MTCL2: variants seen among roughly 807,000 people sequenced by gnomAD.
The protein encoded by MTCL2 is microtubule cross-linking factor 2.
At chr20:36,785,672 A>G in the MTCL2 span, 10 of 985,406 alleles carry the variant, frequency 1.0e-5, no homozygotes, top group East Asian at 6.8e-4. Context: ...GCATTTATCT[A>G]TGCACCAGGT....
the MTCL2 span, among the ~76,000 whole-genome samples, chr20:36,791,040 T>G: frequency 1.1e-4 from 17 of 152,212 alleles, no homozygotes; most frequent in East Asian, 2.7e-3. Flanking sequence ...ATTTATATTT[T>G]TTTTTTTGTG....
the MTCL2 span, among the ~76,000 whole-genome samples, chr20:36,854,943 G>A: frequency 6.6e-6 from 1 of 152,160 alleles, no homozygotes; most frequent in Non-Finnish European, 1.5e-5. Flanking sequence ...GGGGGACACA[G>A]ACAGGGATAT....
chr20:36,792,937 G>T, the MTCL2 span, among the ~76,000 whole-genome samples: 2 of 151,746 alleles, frequency 1.3e-5, no homozygotes, highest in East Asian at 1.9e-4. Context: ...CGGAGTCTTA[G>T]TCTGTCACCC....
At chr20:36,792,570 G>A in the MTCL2 span, among the ~76,000 whole-genome samples, 110 of 151,476 alleles carry the variant, frequency 7.3e-4, no homozygotes, top group African/African-American at 2.5e-3. Context: ...GCTCCTGCAA[G>A]CCAAACAAGC....
the MTCL2 span, among the ~76,000 whole-genome samples, chr20:36,835,475 G>C: frequency 6.6e-6 from 1 of 152,364 alleles, no homozygotes; most frequent in East Asian, 1.9e-4. Flanking sequence ...GTAGGGGCAA[G>C]TCAGGGCATG....
At chr20:36,863,507 G>C in the MTCL2 span, 1 of 388,584 alleles carries the variant, frequency 2.6e-6, no homozygotes, top group Non-Finnish European at 3.8e-6. The surrounding 1 kb of genome is among the most constrained non-coding windows in gnomAD (Gnocchi z 6.2). Flanking sequence ...CCCGCCGCGC[G>C]GTCTCTCCGC....
the MTCL2 span, among the ~76,000 whole-genome samples, chr20:36,860,338 A>G: frequency 3.9e-5 from 6 of 152,056 alleles, no homozygotes; most frequent in Non-Finnish European, 5.9e-5. Context: ...CTTTACCCTC[A>G]TTATGATCTG....
chr20:36,808,728 G>C, the MTCL2 span: 4 of 1,595,746 alleles, frequency 2.5e-6, no homozygotes, highest in Admixed American at 1.7e-5. Context: ...AGCGCCCTCT[G>C]CTGGTCCTCC....
chr20:36,793,317 T>G, the MTCL2 span: 2 of 1,551,790 alleles, frequency 1.3e-6, no homozygotes, highest in Non-Finnish European at 1.7e-6. The surrounding 1 kb of genome is among the most constrained non-coding windows in gnomAD (Gnocchi z 6.8). Flanking sequence ...TGGGGGAGCA[T>G]GGTGAGTCTG....
chr20:36,846,618 A>C, the MTCL2 span, among the ~76,000 whole-genome samples: 9 of 152,214 alleles, frequency 5.9e-5, no homozygotes, highest in African/African-American at 1.7e-4. Flanking sequence ...AGTAGGTCCA[A>C]GTCCCCTTAC....
At chr20:36,861,237 C>T in the MTCL2 span, among the ~76,000 whole-genome samples, 2 of 152,180 alleles carry the variant, frequency 1.3e-5, no homozygotes, top group African/African-American at 4.8e-5. Flanking sequence ...TCCTCCTCAC[C>T]TTCCACTTGC....
At chr20:36,794,622 C>T in the MTCL2 span, 29 of 1,613,956 alleles carry the variant, frequency 1.8e-5, no homozygotes, top group African/African-American at 4.0e-5. This position sits in a 1 kb window ranked among gnomAD's most constrained non-coding sequence, Gnocchi z 5.4. Flanking sequence ...GAGGAGGAAA[C>T]GTCGTTATTA....
the MTCL2 span, among the ~76,000 whole-genome samples, chr20:36,851,273 T>C: frequency 1.3e-5 from 2 of 152,142 alleles, no homozygotes; most frequent in African/African-American, 4.8e-5. Flanking sequence ...GTATATTGTA[T>C]ATATATACCC....
At chr20:36,855,795 C>T in the MTCL2 span, among the ~76,000 whole-genome samples, 15 of 152,276 alleles carry the variant, frequency 9.9e-5, no homozygotes, top group South Asian at 2.1e-4. Flanking sequence ...AGGAGGAAGA[C>T]GGAGTCTTGG....
the MTCL2 span, chr20:36,793,549 T>C: frequency 6.4e-3 from 9,922 of 1,551,632 alleles, 589 homozygotes; most frequent in African/African-American, 0.12. This position sits in a 1 kb window ranked among gnomAD's most constrained non-coding sequence, Gnocchi z 6.8. Context: ...CAGACATGCC[T>C]AGTTTCCAGA....
the MTCL2 span, among the ~76,000 whole-genome samples, chr20:36,798,180 C>T: frequency 1.3e-5 from 2 of 152,076 alleles, no homozygotes; most frequent in African/African-American, 2.4e-5. Context: ...AGCAATTCTC[C>T]TGCCTCAGCC....
chr20:36,842,869 G>T, the MTCL2 span, among the ~76,000 whole-genome samples: 1 of 152,222 alleles, frequency 6.6e-6, no homozygotes, highest in Non-Finnish European at 1.5e-5. Context: ...TGGCAGTGAT[G>T]GAAGCAGGGG....
chr20:36,811,475 G>A, the MTCL2 span, among the ~76,000 whole-genome samples: 1 of 151,844 alleles, frequency 6.6e-6, no homozygotes, highest in Non-Finnish European at 1.5e-5. Context: ...CTAAAAATAC[G>A]AAAATTAGCT....
At chr20:36,861,727 C>T in the MTCL2 span, among the ~76,000 whole-genome samples, 4 of 152,138 alleles carry the variant, frequency 2.6e-5, no homozygotes, top group Admixed American at 6.5e-5. Context: ...TCCAGCCTCC[C>T]AGGGAGAGGT....
Sources: gnomAD v4.1 joint callset for allele counts (sites outside exome capture counted in the v4.1 genomes callset) on GRCh38, gnomAD v4.1.1 for gene constraint, Gnocchi (gnomAD v3.1) non-coding constraint, MANE v1.5 for transcripts, NCBI Gene and HGNC (gene_info 2026-07-23, HGNC 2026-07-21) for gene names.